RNASEH1: variants seen among roughly 807,000 people sequenced by gnomAD.
RNASEH1 encodes ribonuclease H1.
In RNASEH1, 27 loss-of-function variants were observed where a neutral mutation model predicts 34.6. The observed-to-expected ratio is 0.78, with a 90% confidence interval of 0.58 to 1.08. The LOEUF is 1.08. Among genes scored for constraint, RNASEH1 ranks in the 50% least tolerant of loss-of-function variants. The pLI is 0.00. For missense variants in RNASEH1, 349 were observed against 373.6 expected, an observed-to-expected ratio of 0.93 and a Z score of 0.54; for synonymous variants, 162 against 138.4, an observed-to-expected ratio of 1.17 and a Z score of -1.20.
downstream of RNASEH1, among the ~76,000 whole-genome samples, chr2:3,540,845 G>A (rs564113752): frequency 1.1e-3 from 171 of 152,082 alleles, no homozygotes; most frequent in Non-Finnish European, 3.8e-4. Flanking sequence ...GCAGGAGCAT[G>A]CTTTTTGAAT....
At chr2:3,548,608 A>C in intron 6 of RNASEH1, 32 bp downstream of exon 6, 1 of 1,451,700 alleles carries the variant, frequency 6.9e-7, no homozygotes, top group Non-Finnish European at 9.6e-7. Flanking sequence ...CAGTTACTGG[A>C]AAAACAGAAG....
At chr2:3,539,381 C>A (rs4072374), downstream of RNASEH1, among the ~76,000 whole-genome samples, 4 of 152,034 alleles carry the variant, frequency 2.6e-5, no homozygotes, top group Admixed American at 2.6e-4. Flanking sequence ...GGCGGCTTCC[C>A]GTATCACCAA....
the RNASEH1 span, among the ~76,000 whole-genome samples, chr2:3,534,601 C>A: frequency 6.6e-6 from 1 of 152,242 alleles, no homozygotes; most frequent in East Asian, 1.9e-4. Context: ...GCATGCCCGG[C>A]CCAACCGCCG....
intron 2 of RNASEH1, among the ~76,000 whole-genome samples, chr2:3,556,454 C>T (rs900669312): frequency 2.0e-5 from 3 of 151,626 alleles, no homozygotes; most frequent in Admixed American, 6.6e-5. Flanking sequence ...TACAGGTGTG[C>T]GCCACCATGC....
chr2:3,548,090 T>G, intron 6 of RNASEH1, 35 bp from the exon 7 acceptor site: 1 of 1,613,046 alleles, frequency 6.2e-7, no homozygotes, highest in Non-Finnish European at 8.5e-7. Flanking sequence ...GAGTCAATCT[T>G]GAGTGTCCTG....
chr2:3,533,508 C>T, the RNASEH1 span: 5 of 152,248 alleles, frequency 3.3e-5, no homozygotes, highest in Non-Finnish European at 7.3e-5. Flanking sequence ...CCTGAGAGTT[C>T]CACAGTGACA....
At chr2:3,547,837 T>C (rs941928667) in intron 7 of RNASEH1, 94 bp downstream of exon 7, 14 of 1,198,838 alleles carry the variant, frequency 1.2e-5, no homozygotes, top group Non-Finnish European at 1.7e-5. Flanking sequence ...GAAATTGTTA[T>C]GTCATTAAAC....
chr2:3,550,244 C>T lies in RNASEH1; in HGVS notation c.509+129G>A. On this transcript the variant is annotated intron_variant, in intron 4 of 7. Coordinates refer to ENST00000315212, the MANE Select transcript of RNASEH1 (RefSeq NM_002936.6). Reference sequence around the variant, plus strand: ...AGCCCCAACACGAACCAAAGCTGCTCCTCTGCCACCCCTGCCAGAGCTACT... The same window carrying T: ...AGCCCCAACACGAACCAAAGCTGCTTCTCTGCCACCCCTGCCAGAGCTACT... 6 of 791,086 alleles carry T rather than the reference C, an allele frequency of 7.6e-6. No homozygotes were observed. In the South Asian group the frequency reaches 8.6e-5, roughly 11 times the overall value. 49.0% of individuals were successfully genotyped at this position (791,086 alleles called of 1,614,324 possible). A position where few individuals can be genotyped will look rare whatever the true frequency, so the allele number is the denominator to read the frequency against.
intron 5 of RNASEH1, 97 bp from the exon 6 acceptor site, chr2:3,548,821 A>C: frequency 1.2e-6 from 1 of 847,582 alleles, no homozygotes; most frequent in South Asian, 1.5e-5. Context: ...TCCCCTCTGT[A>C]CTGATTATAT....
the RNASEH1 span, among the ~76,000 whole-genome samples, chr2:3,534,888 T>C: frequency 4.6e-5 from 7 of 152,196 alleles, no homozygotes; most frequent in Admixed American, 1.3e-4. Context: ...TTAGGGTCAG[T>C]GAAATAAGCC....
rs781440231 is a variant in RNASEH1 at position 3,552,171 on chromosome 2, C to T, written c.382G>A (p.Val128Ile). Residue 128 changes from valine to isoleucine, a missense_variant, in exon 3 of 8, where the codon GTT (valine) becomes ATT (isoleucine). Val to Ile is a conservative substitution (Grantham distance 29). This residue lies in a region of RNASEH1 where 256 missense variants were observed against 240.7 expected (regional missense o/e 1.06). Coordinates refer to ENST00000315212, the MANE Select transcript of RNASEH1 (RefSeq NM_002936.6). ...MKPSVEPAPP[V>I]SRDTFSYMGD... ...ATGTAGGAAAACGTGTCTCTGCTAA[C>T]TGGAGGCGCCGGCTCCACGCTCGGC... 13 of 1,611,094 alleles carry T rather than the reference C, an allele frequency of 8.1e-6. No individual in the cohort carries two copies. The highest frequency in any genetic ancestry group is 5.0e-5 in the Admixed American group (3 of 59,712).
chr2:3,550,947 C>G (rs1659816181), intron 3 of RNASEH1, among the ~76,000 whole-genome samples: 1 of 152,192 alleles, frequency 6.6e-6, no homozygotes, highest in Non-Finnish European at 1.5e-5. Flanking sequence ...AAGTGTGGTT[C>G]CCGTCTTTGC....
chr2:3,558,291 A>G lies in RNASEH1; in HGVS notation c.-31T>C, dbSNP rs1230943060. On this transcript the variant is annotated 5_prime_UTR_variant, in exon 1 of 8. Transcript: ENST00000315212. ...ACTCCCGGCACCGGGAAGCATTTCGACTCCCGGCCCAGCGTGGGCGCGAGC... is the reference window on the plus strand; with the variant it reads ...ACTCCCGGCACCGGGAAGCATTTCGGCTCCCGGCCCAGCGTGGGCGCGAGC... 1 of 1,511,682 alleles carries G rather than the reference A, an allele frequency of 6.6e-7. No individual in the cohort carries two copies. The highest frequency in any genetic ancestry group is 2.5e-5 in the East Asian group (1 of 39,432). 93.6% of individuals were successfully genotyped at this position (1,511,682 alleles called of 1,614,324 possible).
In RNASEH1 at chr2:3,545,766, A is replaced by C. The variant is rs1254219332; in HGVS notation, c.*19T>G. The stretch of plus-strand genomic sequence containing the variant: ...ACAGCCGCTGGCTCAAGTTCTCCCA[A>C]GGACTAAAGTCACATGGCTCAGTCT... On this transcript the variant is annotated 3_prime_UTR_variant, in exon 8 of 8. Coordinates refer to ENST00000315212, the MANE Select transcript of RNASEH1 (RefSeq NM_002936.6). 6.3e-7 allele frequency: 1 copy of C among 1,584,124 alleles called. No individual in the cohort carries two copies. The highest frequency in any genetic ancestry group is 8.7e-7 in the Non-Finnish European group (1 of 1,152,690).
chr2:3,551,298 G>C (rs1659881198), intron 3 of RNASEH1, among the ~76,000 whole-genome samples: 2 of 152,188 alleles, frequency 1.3e-5, no homozygotes, highest in South Asian at 2.1e-4. Flanking sequence ...GAACTTAACT[G>C]TATCAGCATG....
intron 7 of RNASEH1, among the ~76,000 whole-genome samples, chr2:3,546,150 G>C (rs1668728051): frequency 1.3e-5 from 2 of 152,156 alleles, no homozygotes. Context: ...GACTTGATAA[G>C]CTTTCCAGGC....
the RNASEH1 span, among the ~76,000 whole-genome samples, chr2:3,534,447 C>G: frequency 6.6e-6 from 1 of 152,234 alleles, no homozygotes; most frequent in South Asian, 2.1e-4. Context: ...GGCTGTAGCA[C>G]GCCCTGCTCG....
rs1162315356 is a variant in RNASEH1, at chr2:3,552,173, G to A, written c.380C>T (p.Pro127Leu). ...HMKPSVEPAP[P>L]VSRDTFSYMG... ...GTAGGAAAACGTGTCTCTGCTAACT[G>A]GAGGCGCCGGCTCCACGCTCGGCTT... is the stretch of plus-strand genomic sequence containing the variant. Residue 127 changes from proline to leucine, a missense_variant, in exon 3 of 8, where the codon CCA (proline) becomes CTA (leucine). Coordinates refer to ENST00000315212, the MANE Select transcript of RNASEH1 (RefSeq NM_002936.6). The A allele has an allele frequency of 6.2e-7, 1 of 1,611,368 alleles. No individual in the cohort carries two copies.
chr2:3,538,035 TAAAAC>T (rs562445572), downstream of RNASEH1, among the ~76,000 whole-genome samples: 400 of 127,982 alleles, frequency 3.1e-3, 6 homozygotes, highest in African/African-American at 0.012. Context: ...GAAACTGTCT[TAAAAC>T]AATTTTTTTT....
Sources: gnomAD v4.1 joint callset for allele counts (sites outside exome capture counted in the v4.1 genomes callset) on GRCh38, gnomAD v4.1.1 for gene constraint, gnomAD v4.1.1 regional missense constraint, MANE v1.5 for transcripts, NCBI Gene and HGNC (gene_info 2026-07-23, HGNC 2026-07-21) for gene names.